HSPH1: variants seen among roughly 807,000 people sequenced by gnomAD.
HSPH1 encodes heat shock protein 105 kDa.
HSPH1 carries 40 observed loss-of-function variants against 100.0 expected under a neutral mutation model. The observed-to-expected ratio is 0.40, with a 90% CI of 0.31 to 0.52. The LOEUF (loss-of-function observed/expected upper bound fraction) is 0.52. HSPH1 is among the 20% of genes least tolerant of loss of function. HSPH1 has a pLI of 0.54. For missense variants in HSPH1, 876 were observed against 1,015.1 expected (o/e 0.86, Z 1.86); for synonymous variants, 403 against 344.0 (o/e 1.17, Z -1.90).
chr13:31,152,420 T>C (rs12429503), intron 5 of HSPH1: 46,916 of 161,880 alleles, frequency 0.29, 7,281 homozygotes, highest in East Asian at 0.47. Context: ...CCTAACACAT[T>C]CAAATAGTAC....
At position 31,148,093 on chromosome 13, in the gene HSPH1, C is replaced by T; in HGVS notation, c.1245-1G>A. 6.2e-7 allele frequency: 1 copy of T among 1,603,340 alleles called. No individual in the cohort carries two copies. Among genetic ancestry groups the T allele is most frequent in the Non-Finnish European group, 8.5e-7 (1 of 1,177,054 alleles). On this transcript the variant is annotated splice_acceptor_variant, in intron 9 of 17. Coordinates refer to ENST00000320027, the MANE Select transcript of HSPH1 (RefSeq NM_006644.4). LOFTEE classifies it high-confidence loss of function. ...GTTTCGACTAAAGACTTCATGAACA[C>T]TAGAGAGAAAAGAAAAAGGCATTCA...
At chr13:31,158,922 TAA>T in intron 1 of HSPH1, 59 bp from the exon 2 acceptor site, 1 of 1,044,640 alleles carries the variant, frequency 9.6e-7, no homozygotes, top group African/African-American at 1.6e-5. Flanking sequence ...TTTAAACTGA[TAA>T]GAGAAAAATA....
In HSPH1 at chr13:31,154,859, A is replaced by G. The variant is rs1314167637; in HGVS notation, c.307-104T>C. 1.0e-5 allele frequency: 10 copies of G among 971,458 alleles called. No homozygotes were observed. The East Asian group carries it at 2.3e-4, about 22-fold the overall frequency. The allele number at this position is 971,458 out of a possible 1,614,324, so 60.2% of individuals were successfully genotyped here. A position where few individuals can be genotyped will look rare whatever the true frequency, so the allele number is the denominator to read the frequency against. On this transcript the variant is annotated intron_variant, in intron 3 of 17. Transcript: ENST00000320027. The stretch of plus-strand genomic sequence containing the variant: ...ACACATTCCCTTCCACAAAATCTTT[A>G]TTTTATTGTTGTAGTTGTTTTGGGA...
At position 31,148,004 on chromosome 13, in the gene HSPH1, A is replaced by G; in HGVS notation, c.1333T>C (p.Phe445Leu). The G allele has an allele frequency of 1.2e-6, 2 of 1,609,686 alleles. No individual in the cohort carries two copies. Among genetic ancestry groups the G allele is most frequent in the Admixed American group, 1.7e-5 (1 of 58,958 alleles). The change falls in exon 10 of 18, where the codon TTC (phenylalanine) becomes CTC (leucine). Residue 445 changes from phenylalanine (F) to leucine (L), a missense_variant. Coordinates refer to ENST00000320027, the MANE Select transcript of HSPH1 (RefSeq NM_006644.4). Reference sequence around the variant, plus strand: ...GGAACTCCTTGGGGATCAGAATAGAAAGCTTCTAGCTCAAAAGGCCCCCTT... The same window carrying G: ...GGAACTCCTTGGGGATCAGAATAGAGAGCTTCTAGCTCAAAAGGCCCCCTT... ...LRRGPFELEA[F>L]YSDPQGVPYP...
intron 14 of HSPH1, 93 bp downstream of exon 14, chr13:31,140,091 T>C (rs955995091): frequency 8.1e-7 from 1 of 1,230,212 alleles, no homozygotes; most frequent in African/African-American, 1.5e-5. Flanking sequence ...TTAAGTTACA[T>C]AATTGAGTAA....
chr13:31,141,287 A>AC lies in HSPH1; in HGVS notation c.1717-29_1717-28insG, dbSNP rs1049453473. The AC allele has an allele frequency of 9.6e-6, 15 of 1,562,102 alleles. No homozygotes were observed. The African/African-American group carries it at 1.9e-4, about 20-fold the overall frequency. On this transcript the variant is annotated intron_variant, in intron 12 of 17. Coordinates refer to ENST00000320027, the MANE Select transcript of HSPH1 (RefSeq NM_006644.4). Reference sequence around the variant, plus strand: ...TGGGAAGAGGAATAAAAAAAGGAAAAAATTTTAAACAACCCACTTGGAAAA... The same window carrying AC: ...TGGGAAGAGGAATAAAAAAAGGAAAACAATTTTAAACAACCCACTTGGAAAA...
intron 1 of HSPH1, 40 bp downstream of exon 1, chr13:31,161,436 C>T (rs1593222880): frequency 1.2e-6 from 2 of 1,610,748 alleles, no homozygotes; most frequent in Non-Finnish European, 1.7e-6. Flanking sequence ...ACTAAGGGCC[C>T]AGAACCTCCT....
chr13:31,151,240 G>A, intron 6 of HSPH1, 49 bp from the exon 7 acceptor site: 1 of 1,436,096 alleles, frequency 7.0e-7, no homozygotes, highest in South Asian at 1.3e-5. Context: ...AATCACATTT[G>A]TAACTAGAAT....
chr13:31,146,926 AC>A (rs1237755368), intron 10 of HSPH1, among the ~76,000 whole-genome samples: 2 of 152,214 alleles, frequency 1.3e-5, no homozygotes, highest in Admixed American at 1.3e-4. Context: ...CTATATAAAC[AC>A]ACAGAACTAT....
intron 2 of HSPH1, 62 bp downstream of exon 2, chr13:31,158,744 G>C: frequency 9.6e-7 from 1 of 1,041,878 alleles, no homozygotes; most frequent in Non-Finnish European, 1.5e-6. Flanking sequence ...TATGTCTCTT[G>C]AGATTTTCCT....
intron 16 of HSPH1, 70 bp from the exon 17 acceptor site, chr13:31,138,638 C>G: frequency 1.3e-6 from 2 of 1,527,352 alleles, no homozygotes; most frequent in Admixed American, 4.3e-5. Flanking sequence ...CTCAACTTTC[C>G]AGGAAGCTCA....
intron 14 of HSPH1, 150 bp from the exon 15 acceptor site, chr13:31,139,257 A>C (rs1388057462): frequency 1.7e-6 from 1 of 595,708 alleles, no homozygotes; most frequent in Admixed American, 2.9e-5. Flanking sequence ...AGACCTTGAA[A>C]ATGGCTCTCA....
At chr13:31,161,982 C>T (rs1451218196), upstream of HSPH1, 2 of 1,536,000 alleles carry the variant, frequency 1.3e-6, no homozygotes, top group Non-Finnish European at 1.7e-6. Context: ...ATTTACTCAC[C>T]GGCGCCTCCA....
Position 31,161,154 on chromosome 13 carries a change from G to C in HSPH1, c.107+322C>G, listed in dbSNP as rs140865948. ...TGCCAAGAAAAGGGAGCGAAGTTGC[G>C]GGCTTTGCCGCAGCCCGACCCCCAG... On this transcript the variant is annotated intron_variant, in intron 1 of 17. Coordinates refer to ENST00000320027, the MANE Select transcript of HSPH1 (RefSeq NM_006644.4). 8.3e-4 allele frequency among the ~76,000 whole-genome samples: 127 copies of C among 152,294 alleles called. 1 individual carries two copies. In the East Asian group the frequency reaches 9.5e-3, roughly 11 times the overall value.
At chr13:31,160,172 T>C (rs976460760) in intron 1 of HSPH1, among the ~76,000 whole-genome samples, 1 of 152,218 alleles carries the variant, frequency 6.6e-6, no homozygotes, top group African/African-American at 2.4e-5. Context: ...TTTTCTTTGT[T>C]TTATTGGATC....
chr13:31,151,962 TGGA>T (rs1453550410), intron 5 of HSPH1: 1 of 495,532 alleles, frequency 2.0e-6, no homozygotes, highest in Non-Finnish European at 3.6e-6. Context: ...TTTCAATATA[TGGA>T]GATGTGCTAG....
At chr13:31,146,335 C>G (rs1956265422) in intron 10 of HSPH1, among the ~76,000 whole-genome samples, 1 of 152,106 alleles carries the variant, frequency 6.6e-6, no homozygotes, top group African/African-American at 2.4e-5. Context: ...TAAAAACTTT[C>G]AAAGGTAAGG....
rs780958272 is a variant in HSPH1, at chr13:31,140,203, T to A, written c.1961A>T (p.Glu654Val). Reference sequence around the variant, plus strand: ...ACATACCTGCTCACATATAAATTTTTCATATGGTCCACACAGCTTGTCTCT... The same window carrying A: ...ACATACCTGCTCACATATAAATTTTACATATGGTCCACACAGCTTGTCTCT... ...EFRDKLCGPY[E>V]KFICEQDHQN... Residue 654 changes from glutamate to valine, a missense_variant, in exon 14 of 18, where the codon GAA becomes GTA. Glu to Val is a moderately radical substitution (Grantham distance 121). Coordinates refer to ENST00000320027, the MANE Select transcript of HSPH1 (RefSeq NM_006644.4). 1 of 1,611,490 alleles carries A rather than the reference T, an allele frequency of 6.2e-7. No individual in the cohort carries two copies. Among genetic ancestry groups the A allele is most frequent in the East Asian group, 2.2e-5 (1 of 44,778 alleles).
At position 31,137,119 on chromosome 13, in the gene HSPH1, T is replaced by C; in HGVS notation, c.*199A>G. 1 of 731,090 alleles carries C rather than the reference T, an allele frequency of 1.4e-6. No individual in the cohort carries two copies. The highest frequency in any genetic ancestry group is 1.8e-5 in the Admixed American group (1 of 56,020). The allele number at this position is 731,090 out of a possible 1,614,324, so 45.3% of individuals were successfully genotyped here. On this transcript the variant is annotated 3_prime_UTR_variant, in exon 18 of 18. Transcript: ENST00000320027. ...ATGAATTCACAATTCCACAGGAATCTGAAAGTTACCAAGGCAATTTTCCCT... is the reference window on the plus strand; with the variant it reads ...ATGAATTCACAATTCCACAGGAATCCGAAAGTTACCAAGGCAATTTTCCCT...
Sources: allele counts gnomAD v4.1 joint callset (sites outside exome capture counted in the v4.1 genomes callset), GRCh38; gene constraint gnomAD v4.1.1; transcripts MANE v1.5; gene names NCBI Gene and HGNC (gene_info 2026-07-23, HGNC 2026-07-21).